The following ATG9B variants were observed in gnomAD, a reference collection of about 807,000 sequenced individuals.
ATG9B encodes autophagy related 9B.
Under a neutral mutation model 92.9 loss-of-function variants are expected in ATG9B, and 92 were observed. That is an observed-to-expected ratio of 0.99 (90% CI 0.84 to 1.18). The LOEUF (loss-of-function observed/expected upper bound fraction) is 1.18. Among genes scored for constraint, ATG9B ranks in the 50% most tolerant of loss-of-function variants. The probability of loss-of-function intolerance (pLI) is 0.00; values close to 1 mark genes in which losing one functional copy is unlikely to be tolerated. For synonymous variants in ATG9B, 599 were observed against 551.4 expected (o/e 1.09, Z -1.21); for missense variants, 1,344 against 1,235.0 (o/e 1.09, Z -1.32).
Position 151,015,386 on chromosome 7 carries a change from G to T in ATG9B, c.*342C>A. The T allele has an allele frequency of 6.5e-6, 1 of 152,950 alleles. No individual in the cohort carries two copies. The highest frequency in any genetic ancestry group is 1.5e-5 in the Non-Finnish European group (1 of 68,474). 9.5% of individuals were successfully genotyped at this position (152,950 alleles called of 1,614,324 possible). Reference sequence around the variant, plus strand: ...TGCCTCACTGTCGCCCTTCCATTTAGCTCGGCCTCATCCTTGACCTCTGTC... The same window carrying T: ...TGCCTCACTGTCGCCCTTCCATTTATCTCGGCCTCATCCTTGACCTCTGTC... On this transcript the variant is annotated 3_prime_UTR_variant, in exon 14 of 14. Coordinates refer to ENST00000639579, the MANE Select transcript of ATG9B (RefSeq NM_001317056.2).
Position 151,017,224 on chromosome 7 carries a change from C to T in ATG9B, c.2101G>A (p.Asp701Asn). Residue 701 changes from aspartate (D) to asparagine (N), a missense_variant, in exon 9 of 14, where the codon GAC (aspartate) becomes AAC (asparagine). Transcript: ENST00000639579. ...TEASLSQRAE[D>N]GKTELSLMRF... Reference sequence around the variant, plus strand: ...ATCAAAGAAAGCTCAGTCTTGCCGTCCTCCGCACGCTGAGACAGCGAGGCC... The same window carrying T: ...ATCAAAGAAAGCTCAGTCTTGCCGTTCTCCGCACGCTGAGACAGCGAGGCC... 6.2e-7 allele frequency: 1 copy of T among 1,610,742 alleles called. No homozygotes were observed. Among genetic ancestry groups the T allele is most frequent in the South Asian group, 1.1e-5 (1 of 90,942 alleles).
intron 5 of ATG9B, chr7:151,020,120 C>G (rs1043470602): frequency 2.6e-5 from 4 of 152,680 alleles, no homozygotes; most frequent in Admixed American, 2.6e-4. Context: ...CCTGGGCATG[C>G]TTTACACTCC....
chr7:151,014,000 T>C (rs368678262), downstream of ATG9B: 7 of 1,611,584 alleles, frequency 4.3e-6, no homozygotes, highest in African/African-American at 9.3e-5. Context: ...TGTGCTCTTT[T>C]CCGACAGGAT....
In ATG9B at chr7:151,017,284, G is replaced by A. The variant is rs1189613818; in HGVS notation, c.2053-12C>T. 6 of 1,573,902 alleles carry A rather than the reference G, an allele frequency of 3.8e-6. No individual in the cohort carries two copies. The East Asian group carries it at 6.8e-5, about 18-fold the overall frequency. On this transcript the variant is annotated splice_polypyrimidine_tract_variant and intron_variant, in intron 8 of 13. Transcript: ENST00000639579. ...CCCGCCGAGAGCCACTGTGAGCAAG[G>A]ACAGTCTTTCAGGTGCTAAGAACAC...
At position 151,023,025 on chromosome 7, in the gene ATG9B, C is replaced by A. The variant is rs761578524; in HGVS notation, c.821+20G>T. ...ACTGCCCATGCTTCACCCCCAGGGC[C>A]CCACCAGGTTGTCACTAACCTCTCA... On this transcript the variant is annotated intron_variant, in intron 4 of 13. Transcript: ENST00000639579. 1.2e-4 allele frequency: 186 copies of A among 1,613,834 alleles called. No individual in the cohort carries two copies. The highest frequency in any genetic ancestry group is 1.5e-4 in the Non-Finnish European group (172 of 1,179,976).
chr7:151,013,139 G>T, downstream of ATG9B: 1 of 1,415,514 alleles, frequency 7.1e-7, no homozygotes, highest in Non-Finnish European at 9.6e-7. Flanking sequence ...CAAAACGCTG[G>T]GCTGCCAGGC....
intron 5 of ATG9B, 178 bp downstream of exon 5, chr7:151,021,010 C>G (rs1294483413): frequency 1.4e-6 from 1 of 696,582 alleles, no homozygotes; most frequent in Non-Finnish European, 2.5e-6. Flanking sequence ...GCCATGCTCT[C>G]TAGGTGGTGG....
chr7:151,014,297 G>T, downstream of ATG9B: 1 of 993,188 alleles, frequency 1.0e-6, no homozygotes. Context: ...AGGCTGCAAG[G>T]ATTCAGCATT....
chr7:151,012,258 A>C (rs1795321314), downstream of ATG9B: 1 of 1,011,202 alleles, frequency 9.9e-7, no homozygotes, highest in Admixed American at 3.2e-5. Flanking sequence ...AGATGGGAAG[A>C]ACTTGGGTCC....
rs1175963285 is a variant in ATG9B at position 151,024,094 on chromosome 7, T to C, written c.330A>G (p.Ala110=). 1 of 1,605,594 alleles carries C rather than the reference T, an allele frequency of 6.2e-7. No individual in the cohort carries two copies. Among genetic ancestry groups the C allele is most frequent in the Non-Finnish European group, 8.5e-7 (1 of 1,176,362 alleles). ...TGGAGTGGGATCCCCAGGAGGGAGATGCAGAGGCAGGTGTCATTGCAGGTT... is the reference window on the plus strand; with the variant it reads ...TGGAGTGGGATCCCCAGGAGGGAGACGCAGAGGCAGGTGTCATTGCAGGTT... ...QAQPAMTPAS[A]SPSWGSHSTP... is the part of the protein sequence containing the mutation. The change falls in exon 1 of 14, where the codon GCA becomes GCG. Residue 110 remains alanine, a synonymous_variant. Transcript: ENST00000639579.
chr7:151,019,127 A>G lies in ATG9B; in HGVS notation c.1211T>C (p.Leu404Pro). Residue 404 changes from leucine to proline, a missense_variant, in exon 6 of 14, where the codon CTC (leucine) becomes CCC (proline). By Grantham distance (98) the Leu-to-Pro change is moderately conservative. Transcript: ENST00000639579. ...GAAGAGCGAGAAGGGACCGCGGAAG[A>G]GCAGCAGGTCGACATTGAGCGCCAG... ...RGLALNVDLLLFRGPFSLFRG... is the reference protein window; with the variant it reads ...RGLALNVDLLPFRGPFSLFRG... The G allele has an allele frequency of 6.5e-7, 1 of 1,535,900 alleles. No individual in the cohort carries two copies. Among genetic ancestry groups the G allele is most frequent in the Non-Finnish European group, 8.7e-7 (1 of 1,146,622 alleles).
chr7:151,018,427 T>C lies in ATG9B; in HGVS notation c.1739A>G (p.Gln580Arg). 2 of 1,532,884 alleles carry C rather than the reference T, an allele frequency of 1.3e-6. No homozygotes were observed. The highest frequency in any genetic ancestry group is 1.8e-4 in the Middle Eastern group (1 of 5,710). 95.0% of individuals were successfully genotyped at this position (1,532,884 alleles called of 1,614,324 possible). The change falls in exon 7 of 14, where the codon CAG becomes CGG. Residue 580 changes from glutamine (Q) to arginine (R), a missense_variant. Physicochemically the swap from Gln to Arg is conservative, Grantham distance 43. Coordinates refer to ENST00000639579, the MANE Select transcript of ATG9B (RefSeq NM_001317056.2). The surrounding 1 kb of genome is among the most constrained non-coding windows in gnomAD (Gnocchi z 4.7). ...TVARSFIPEEQCQGRAPQLLL... is the reference protein window; with the variant it reads ...TVARSFIPEERCQGRAPQLLL... ...GAGCTGCGGCGCACGACCCTGGCAC[T>C]GCTCTTCCGGAATGAAAGACCTGAA...
At chr7:151,014,283 C>A (rs1795391568), downstream of ATG9B, 2 of 1,077,568 alleles carry the variant, frequency 1.9e-6, no homozygotes, top group Non-Finnish European at 2.6e-6. Context: ...TCACATCTGT[C>A]CAGAGGCTGC....
rs781555188 is a variant in ATG9B at position 151,016,425 on chromosome 7, A to C, written c.2520+6T>G. The C allele has an allele frequency of 6.8e-5, 105 of 1,550,832 alleles. No individual in the cohort carries two copies. The highest frequency in any genetic ancestry group is 3.3e-4 in the Middle Eastern group (2 of 6,016). ...ACATTTCTCCTTTGGGCACCCCTCT[A>C]CTCACCTGGTGCAGGTAGATGACAT... On this transcript the variant is annotated splice_donor_region_variant and intron_variant, in intron 11 of 13. Coordinates refer to ENST00000639579, the MANE Select transcript of ATG9B (RefSeq NM_001317056.2).
Position 151,015,633 on chromosome 7 carries a change from A to C in ATG9B, c.*95T>G, listed in dbSNP as rs1795446269. ...CCCAACTAAAGCACCTGGGCCTGTC[A>C]TCTATGGGGCCTCTAACAATGACTC... On this transcript the variant is annotated 3_prime_UTR_variant, in exon 14 of 14. Coordinates refer to ENST00000639579, the MANE Select transcript of ATG9B (RefSeq NM_001317056.2). The C allele has an allele frequency of 2.6e-6, 1 of 388,192 alleles. No individual in the cohort carries two copies. Among genetic ancestry groups the C allele is most frequent in the African/African-American group, 2.1e-5 (1 of 48,046 alleles). 24.0% of individuals were successfully genotyped at this position (388,192 alleles called of 1,614,324 possible).
chr7:151,018,411 C>A lies in ATG9B; in HGVS notation c.1755G>T (p.Ala585=), dbSNP rs764819392. The change falls in exon 7 of 14, where the codon GCG becomes GCT. Residue 585 remains alanine (A), a synonymous_variant. Transcript: ENST00000639579. This position sits in a 1 kb window ranked among gnomAD's most constrained non-coding sequence, Gnocchi z 4.7. ...GGGCTGTCTGCAGCAGGAGCTGCGG[C>A]GCACGACCCTGGCACTGCTCTTCCG... ...FIPEEQCQGR[A]PQLLLQTALA... The A allele has an allele frequency of 5.8e-6, 9 of 1,554,408 alleles. No homozygotes were observed. In the South Asian group the frequency reaches 8.4e-5, roughly 15 times the overall value.
rs990411103 is a variant in ATG9B at position 151,023,900 on chromosome 7, A to T, written c.524T>A (p.Leu175Gln). Residue 175 changes from leucine (L) to glutamine (Q), a missense_variant, in exon 1 of 14, where the codon CTG becomes CAG. Transcript: ENST00000639579. Reference protein sequence around the residue: ...SPIHGEEQQPLLHVPEGLRGS... With the variant: ...SPIHGEEQQPQLHVPEGLRGS... ...TCGGAGCCCTTCAGGGACATGAAGCAGGGGTTGCTGCTCCTCCCCGTGGAT... is the reference window on the plus strand; with the variant it reads ...TCGGAGCCCTTCAGGGACATGAAGCTGGGGTTGCTGCTCCTCCCCGTGGAT... 5 of 1,608,608 alleles carry T rather than the reference A, an allele frequency of 3.1e-6. No individual in the cohort carries two copies. Among genetic ancestry groups the T allele is most frequent in the Non-Finnish European group, 3.4e-6 (4 of 1,177,922 alleles).
chr7:151,013,628 T>C, downstream of ATG9B: 1 of 1,191,510 alleles, frequency 8.4e-7, no homozygotes, highest in Non-Finnish European at 1.1e-6. Context: ...CCAGGCCCGC[T>C]CCGGAGACTT....
chr7:151,021,795 G>A (rs925282692), intron 4 of ATG9B, among the ~76,000 whole-genome samples: 8 of 151,518 alleles, frequency 5.3e-5, no homozygotes, highest in Admixed American at 1.3e-4. Context: ...GACTACAGGC[G>A]CCCGCCACCA....
Sources: allele counts gnomAD v4.1 joint callset (sites outside exome capture counted in the v4.1 genomes callset), GRCh38; gene constraint gnomAD v4.1.1; non-coding constraint Gnocchi (gnomAD v3.1); transcripts MANE v1.5; gene names NCBI Gene and HGNC (gene_info 2026-07-23, HGNC 2026-07-21).